The following RERE variants were observed in gnomAD, a reference collection of about 807,000 sequenced individuals.
RERE encodes arginine-glutamic acid dipeptide repeats protein.
RERE carries 40 observed loss-of-function variants against 146.1 expected under a neutral mutation model. That is an observed-to-expected ratio of 0.27 (90% CI 0.21 to 0.36). The LOEUF is 0.36. RERE is among the 10% of genes least tolerant of loss of function. The pLI is 1.00. For synonymous variants in RERE, 1,003 were observed against 866.0 expected (o/e 1.16, Z -2.78); for missense variants, 1,933 against 2,138.7 (o/e 0.90, Z 1.90).
chr1:8,475,515 T>C (rs1356783106), intron 10 of RERE, among the ~76,000 whole-genome samples: 1 of 151,458 alleles, frequency 6.6e-6, no homozygotes, highest in Admixed American at 6.6e-5. Context: ...CTGTCTCTAC[T>C]AAAAAGAAAT....
intron 1 of RERE, among the ~76,000 whole-genome samples, chr1:8,723,180 C>T (rs1639896239): frequency 6.6e-6 from 1 of 152,058 alleles, no homozygotes; most frequent in Non-Finnish European, 1.5e-5. Flanking sequence ...AGGTAGGAAT[C>T]GAAACTGCAG....
At chr1:8,597,607 T>C (rs1419781182) in intron 4 of RERE, among the ~76,000 whole-genome samples, 1 of 152,184 alleles carries the variant, frequency 6.6e-6, no homozygotes, top group African/African-American at 2.4e-5. Context: ...AAGAACCCCC[T>C]GTCCTGTGTT....
At chr1:8,702,863 A>G (rs1639482716) in intron 1 of RERE, among the ~76,000 whole-genome samples, 1 of 152,174 alleles carries the variant, frequency 6.6e-6, no homozygotes, top group African/African-American at 2.4e-5. Flanking sequence ...ACAGAAATGC[A>G]ATGGGACACG....
Position 8,546,000 on chromosome 1 carries a change from T to C in RERE, c.726-4682A>G, listed in dbSNP as rs1304153163. Among the ~76,000 whole-genome samples the C allele has an allele frequency of 4.5e-3, 639 of 140,960 alleles. 16 individuals are homozygous for C. The highest frequency in any genetic ancestry group is 0.016 in the African/African-American group (597 of 36,938). 92.5% of individuals were successfully genotyped at this position (140,960 alleles called of 152,430 possible). On this transcript the variant is annotated intron_variant, in intron 6 of 22. Coordinates refer to ENST00000400908, the MANE Select transcript of RERE (RefSeq NM_001042681.2). ...ACCCAGTCTTTTTTTTTTTTTTTTT[T>C]TTTTTTTGAGATAGGGTCTCCCTCT...
chr1:8,426,296 T>C, intron 11 of RERE, among the ~76,000 whole-genome samples: 1 of 151,626 alleles, frequency 6.6e-6, no homozygotes, highest in South Asian at 2.1e-4. Flanking sequence ...CTACTAAAAA[T>C]ACAAAAAATT....
At chr1:8,436,999 T>C (rs1644178653) in intron 11 of RERE, among the ~76,000 whole-genome samples, 1 of 152,170 alleles carries the variant, frequency 6.6e-6, no homozygotes. Context: ...AAGTTTTCTA[T>C]TAGGGAGGCA....
intron 6 of RERE, among the ~76,000 whole-genome samples, chr1:8,554,230 A>G (rs1398068583): frequency 6.6e-6 from 1 of 152,192 alleles, no homozygotes; most frequent in African/African-American, 2.4e-5. Flanking sequence ...ATAAGTACTC[A>G]AATATGTTGA....
chr1:8,795,998 AC>A (rs200828324), intron 1 of RERE, among the ~76,000 whole-genome samples: 16,515 of 135,204 alleles, frequency 0.12, 1,732 homozygotes, highest in Non-Finnish European at 0.15. Flanking sequence ...AAAAAAAAAA[AC>A]AAAACAAAAC....
chr1:8,480,759 A>T (rs1234464735), intron 10 of RERE, among the ~76,000 whole-genome samples: 2 of 152,164 alleles, frequency 1.3e-5, no homozygotes, highest in African/African-American at 2.4e-5. Flanking sequence ...AAATGTAAAA[A>T]GGCTAAAGGT....
intron 1 of RERE, among the ~76,000 whole-genome samples, chr1:8,779,461 G>A (rs1048063862): frequency 2.6e-5 from 4 of 151,858 alleles, no homozygotes; most frequent in Admixed American, 1.3e-4. Flanking sequence ...CCAGGAGGTC[G>A]AGACCAGCCT....
intron 12 of RERE, among the ~76,000 whole-genome samples, chr1:8,369,447 A>C (rs2124384977): frequency 6.6e-6 from 1 of 151,086 alleles, no homozygotes; most frequent in East Asian, 2.0e-4. Context: ...CTGAGTGCCA[A>C]GGATGAAAAT....
chr1:8,476,153 G>A (rs1644754101), intron 10 of RERE, among the ~76,000 whole-genome samples: 2 of 152,198 alleles, frequency 1.3e-5, no homozygotes, highest in Admixed American at 1.3e-4. Flanking sequence ...AGTGCACAGT[G>A]TGCTAGGAAC....
chr1:8,526,496 A>G (rs1645572949), intron 7 of RERE, among the ~76,000 whole-genome samples: 1 of 152,158 alleles, frequency 6.6e-6, no homozygotes, highest in African/African-American at 2.4e-5. Context: ...GAAAAAGACC[A>G]AACAATCCGG....
intron 3 of RERE, among the ~76,000 whole-genome samples, chr1:8,618,803 G>A (rs965628862): frequency 1.3e-5 from 2 of 152,146 alleles, no homozygotes; most frequent in African/African-American, 4.8e-5. Context: ...TATTACAAAG[G>A]AGGAGAAATA....
chr1:8,423,628 G>A lies in RERE; in HGVS notation c.1204-821C>T. On this transcript the variant is annotated intron_variant, in intron 11 of 22. Transcript: ENST00000400908. The surrounding 1 kb of genome is among the most constrained non-coding windows in gnomAD (Gnocchi z 5.4). ...CCACAGGTAAGCGCCCGGGGTCCGG[G>A]GCGGCAAGAGGCCGTCGCCTGTCAC... The A allele has an allele frequency of 1.0e-6, 1 of 985,078 alleles. No individual in the cohort carries two copies. Among genetic ancestry groups the A allele is most frequent in the Non-Finnish European group, 1.2e-6 (1 of 829,828 alleles). 61.0% of individuals were successfully genotyped at this position (985,078 alleles called of 1,614,324 possible). A position where few individuals can be genotyped will look rare whatever the true frequency, so the allele number is the denominator to read the frequency against.
chr1:8,729,593 CAG>C (rs1170910556), intron 1 of RERE, among the ~76,000 whole-genome samples: 2 of 152,046 alleles, frequency 1.3e-5, no homozygotes, highest in African/African-American at 4.8e-5. Flanking sequence ...ATACTTGAAA[CAG>C]AGACCATACA....
At chr1:8,455,186 A>G (rs938810463) in intron 11 of RERE, among the ~76,000 whole-genome samples, 2 of 152,054 alleles carry the variant, frequency 1.3e-5, no homozygotes, top group African/African-American at 2.4e-5. Context: ...GCATCCTCCT[A>G]TTTTCAGAAT....
chr1:8,614,338 C>T (rs1455561759), intron 4 of RERE, among the ~76,000 whole-genome samples: 2 of 152,068 alleles, frequency 1.3e-5, no homozygotes, highest in Admixed American at 1.3e-4. Flanking sequence ...CTGCTGGTGC[C>T]AAAATACCCT....
Position 8,423,638 on chromosome 1 carries a change from G to A in RERE, c.1204-831C>T, listed in dbSNP as rs1643950715. The A allele has an allele frequency of 3.0e-6, 3 of 984,984 alleles. No individual in the cohort carries two copies. Among genetic ancestry groups the A allele is most frequent in the Non-Finnish European group, 2.4e-6 (2 of 829,812 alleles). 61.0% of individuals were successfully genotyped at this position (984,984 alleles called of 1,614,324 possible). On this transcript the variant is annotated intron_variant, in intron 11 of 22. Coordinates refer to ENST00000400908, the MANE Select transcript of RERE (RefSeq NM_001042681.2). This position sits in a 1 kb window ranked among gnomAD's most constrained non-coding sequence, Gnocchi z 5.4. ...GCGCCCGGGGTCCGGGGCGGCAAGA[G>A]GCCGTCGCCTGTCACTGGGCTCCGG...
Sources: gnomAD v4.1 joint callset for allele counts (sites outside exome capture counted in the v4.1 genomes callset) on GRCh38, gnomAD v4.1.1 for gene constraint, Gnocchi (gnomAD v3.1) non-coding constraint, MANE v1.5 for transcripts, NCBI Gene and HGNC (gene_info 2026-07-23, HGNC 2026-07-21) for gene names.